PEBP4: variants seen among roughly 807,000 people sequenced by gnomAD.
PEBP4 encodes phosphatidylethanolamine-binding protein 4.
In PEBP4, 22 loss-of-function variants were observed where a neutral mutation model predicts 23.9. The ratio of observed to expected loss-of-function variants is 0.92; its 90% CI spans 0.66 to 1.31. The LOEUF (loss-of-function observed/expected upper bound fraction) is 1.31. Among genes scored for constraint, PEBP4 ranks in the 40% most tolerant of loss-of-function variants. The probability of loss-of-function intolerance (pLI) is 0.00; values close to 1 mark genes in which losing one functional copy is unlikely to be tolerated. For missense variants in PEBP4, 324 were observed against 281.7 expected, an observed-to-expected ratio of 1.15 and a Z score of -1.07; for synonymous variants, 112 against 99.3, an observed-to-expected ratio of 1.13 and a Z score of -0.76.
chr8:22,843,241 G>A (rs1018628571), intron 3 of PEBP4, among the ~76,000 whole-genome samples: 19 of 152,340 alleles, frequency 1.2e-4, no homozygotes, highest in Admixed American at 1.1e-3. Flanking sequence ...GGGATTACAG[G>A]TGTAAGCCAC....
At chr8:22,734,409 C>T (rs1024586505) in intron 4 of PEBP4, among the ~76,000 whole-genome samples, 1 of 152,214 alleles carries the variant, frequency 6.6e-6, no homozygotes, top group African/African-American at 2.4e-5. Context: ...CTCCTGGGAG[C>T]TGAGTACTTC....
At chr8:22,857,497 A>G (rs1405666441) in intron 3 of PEBP4, among the ~76,000 whole-genome samples, 1 of 152,206 alleles carries the variant, frequency 6.6e-6, no homozygotes, top group Non-Finnish European at 1.5e-5. Context: ...AGTGAGTGAG[A>G]TTCACAGCAA....
chr8:22,909,984 C>A (rs1485190808), intron 3 of PEBP4, among the ~76,000 whole-genome samples: 1 of 152,174 alleles, frequency 6.6e-6, no homozygotes, highest in Non-Finnish European at 1.5e-5. Flanking sequence ...TCTCACCACG[C>A]CATGTAATAC....
chr8:22,819,682 T>A (rs1465909705), intron 3 of PEBP4, among the ~76,000 whole-genome samples: 1 of 151,922 alleles, frequency 6.6e-6, no homozygotes, highest in Non-Finnish European at 1.5e-5. Context: ...TCTCGGCTCA[T>A]TGCAAGCTCT....
At chr8:22,740,979 G>A (rs896306773) in intron 4 of PEBP4, among the ~76,000 whole-genome samples, 5 of 152,204 alleles carry the variant, frequency 3.3e-5, no homozygotes, top group Non-Finnish European at 7.3e-5. Flanking sequence ...TACCCTACGT[G>A]AGGAGGGAGG....
At chr8:22,736,157 C>T (rs1804856151) in intron 4 of PEBP4, among the ~76,000 whole-genome samples, 1 of 152,152 alleles carries the variant, frequency 6.6e-6, no homozygotes, top group Non-Finnish European at 1.5e-5. Flanking sequence ...ACTCAGAGAG[C>T]TGGCTGAGCC....
At chr8:22,800,929 C>A (rs1248382247) in intron 4 of PEBP4, among the ~76,000 whole-genome samples, 2 of 152,082 alleles carry the variant, frequency 1.3e-5, no homozygotes, top group African/African-American at 4.8e-5. Flanking sequence ...CCCCCCTTTT[C>A]TTGGACACTT....
In PEBP4 at chr8:22,882,313, A is replaced by G. The variant is rs145124322; in HGVS notation, c.258+37871T>C. Among the ~76,000 whole-genome samples the G allele has an allele frequency of 2.1e-4, 32 of 152,350 alleles. 1 individual carries two copies. In the East Asian group the frequency reaches 5.8e-3, roughly 28 times the overall value. The stretch of plus-strand genomic sequence containing the variant: ...CAACTCTAGGAAAGTGTGCGTCAAC[A>G]GCACCAGTGACCCAGACAGTGCTGG... On this transcript the variant is annotated intron_variant, in intron 3 of 6. Transcript: ENST00000256404.
intron 3 of PEBP4, 69 bp from the exon 4 acceptor site, chr8:22,817,804 T>C: frequency 7.1e-7 from 1 of 1,403,438 alleles, no homozygotes; most frequent in Non-Finnish European, 1.0e-6. Flanking sequence ...GGGGCAGACC[T>C]CCTTTTCCCG....
In PEBP4 at chr8:22,865,825, C is replaced by CTT. The variant is rs1563242460; in HGVS notation, c.259-48091_259-48090insAA. 2.0e-4 allele frequency among the ~76,000 whole-genome samples: 30 copies of CTT among 152,340 alleles called. No individual in the cohort carries two copies. Among genetic ancestry groups the CTT allele is most frequent in the African/African-American group, 7.2e-4 (30 of 41,588 alleles). ...GCGGCGGCGCCTAGAGGGACCCCCA[C>CTT]CCCGGGCTCGAACTCCCGACAAGAC... On this transcript the variant is annotated intron_variant, in intron 3 of 6. Coordinates refer to ENST00000256404, the MANE Select transcript of PEBP4 (RefSeq NM_144962.3). The surrounding 1 kb of genome is among the most constrained non-coding windows in gnomAD (Gnocchi z 6.9).
At chr8:22,801,854 T>C (rs1005118655) in intron 4 of PEBP4, among the ~76,000 whole-genome samples, 3 of 152,046 alleles carry the variant, frequency 2.0e-5, no homozygotes, top group African/African-American at 4.8e-5. Flanking sequence ...ACTCCACCAC[T>C]CTTAAGGTTA....
intron 4 of PEBP4, among the ~76,000 whole-genome samples, chr8:22,791,569 T>C (rs1389618063): frequency 2.0e-5 from 3 of 152,128 alleles, no homozygotes; most frequent in Admixed American, 1.3e-4. Context: ...TGCTTGTGTG[T>C]GCGCGCACAC....
At chr8:22,727,302 C>T in intron 4 of PEBP4, 82 bp from the exon 5 acceptor site, 1 of 1,378,972 alleles carries the variant, frequency 7.3e-7, no homozygotes, top group Non-Finnish European at 1.0e-6. Context: ...TTGCTTCTCT[C>T]TCTGCAGGAG....
Position 22,817,746 on chromosome 8 carries a change from T to G in PEBP4, c.259-11A>C, listed in dbSNP as rs1482208701. 6.2e-7 allele frequency: 1 copy of G among 1,612,204 alleles called. No homozygotes were observed. The highest frequency in any genetic ancestry group is 2.2e-5 in the East Asian group (1 of 44,878). ...GATATAGGTTGCGCCCTGTAACACA[T>G]GTACCGAAAAGTAATGTAGCGTCAT... On this transcript the variant is annotated splice_polypyrimidine_tract_variant and intron_variant, in intron 3 of 6. Coordinates refer to ENST00000256404, the MANE Select transcript of PEBP4 (RefSeq NM_144962.3).
chr8:22,745,316 A>T (rs7836359), intron 4 of PEBP4, among the ~76,000 whole-genome samples: 40,930 of 151,968 alleles, frequency 0.27, 5,617 homozygotes, highest in Middle Eastern at 0.31. Context: ...ATGAGTCACC[A>T]TGTCCCCAGC....
intron 4 of PEBP4, among the ~76,000 whole-genome samples, chr8:22,769,605 G>A (rs1805678283): frequency 1.3e-5 from 2 of 151,972 alleles, no homozygotes; most frequent in Admixed American, 1.3e-4. Flanking sequence ...CTTTCCCCAG[G>A]CCCCGCCTCC....
intron 3 of PEBP4, among the ~76,000 whole-genome samples, chr8:22,859,644 T>C (rs1807723577): frequency 6.6e-6 from 1 of 152,142 alleles, no homozygotes; most frequent in Non-Finnish European, 1.5e-5. Flanking sequence ...CAGCAATGTA[T>C]GAAATCAAAG....
chr8:22,741,041 T>C (rs1044837072), intron 4 of PEBP4, among the ~76,000 whole-genome samples: 9 of 151,916 alleles, frequency 5.9e-5, no homozygotes, highest in Non-Finnish European at 1.0e-4. Flanking sequence ...AAGAGACAGA[T>C]GGGATGGAAG....
intron 4 of PEBP4, among the ~76,000 whole-genome samples, chr8:22,797,864 A>G (rs1466434036): frequency 2.6e-5 from 4 of 152,180 alleles, no homozygotes; most frequent in Admixed American, 2.6e-4. Flanking sequence ...GACCAGGATG[A>G]TGGCCAGAAA....
Sources: allele counts gnomAD v4.1 joint callset (sites outside exome capture counted in the v4.1 genomes callset), GRCh38; gene constraint gnomAD v4.1.1; non-coding constraint Gnocchi (gnomAD v3.1); transcripts MANE v1.5; gene names NCBI Gene and HGNC (gene_info 2026-07-23, HGNC 2026-07-21).